FRMPD1: variants seen among roughly 807,000 people sequenced by gnomAD.
FRMPD1 encodes FERM and PDZ domain containing 1.
Under a neutral mutation model 117.8 loss-of-function variants are expected in FRMPD1, and 76 were observed. The ratio of observed to expected loss-of-function variants is 0.65; its 90% CI spans 0.54 to 0.78. FRMPD1 has a LOEUF of 0.78. Among genes scored for constraint, FRMPD1 ranks in the 30% least tolerant of loss-of-function variants. The probability of loss-of-function intolerance (pLI) is 0.00; values close to 1 mark genes in which losing one functional copy is unlikely to be tolerated. For synonymous variants in FRMPD1, 783 were observed against 770.4 expected (o/e 1.02, Z -0.27); for missense variants, 1,786 against 1,964.5 (o/e 0.91, Z 1.72).
At chr9:37,659,396 G>A (rs1043854741) in intron 1 of FRMPD1, among the ~76,000 whole-genome samples, 2 of 152,184 alleles carry the variant, frequency 1.3e-5, no homozygotes, top group African/African-American at 4.8e-5. Flanking sequence ...AGATGTGGGT[G>A]GGGCCCTCAG....
chr9:37,648,598 T>C (rs1399952221), upstream of FRMPD1, among the ~76,000 whole-genome samples: 4 of 151,828 alleles, frequency 2.6e-5, no homozygotes, highest in Non-Finnish European at 4.4e-5. Flanking sequence ...GGCGGCAGGA[T>C]GAGGGGGAGG....
At chr9:37,729,956 A>G (rs1286043444) in intron 8 of FRMPD1, 103 bp downstream of exon 8, 2 of 1,230,876 alleles carry the variant, frequency 1.6e-6, no homozygotes, top group East Asian at 4.7e-5. Flanking sequence ...TGCAGGTTTG[A>G]TGCACTTTCT....
At position 37,652,392 on chromosome 9, in the gene FRMPD1, AG is replaced by A. The variant is rs1251184165; in HGVS notation, c.-5+1299del. On this transcript the variant is annotated intron_variant, in intron 1 of 15. Coordinates refer to ENST00000377765, the MANE Select transcript of FRMPD1 (RefSeq NM_014907.3). Reference sequence around the variant, plus strand: ...ACGAGGTAGTTAACTGTGATATGCTAGAAAGTGAAATTTATTCTTTTGCCCA... The same window carrying A: ...ACGAGGTAGTTAACTGTGATATGCTAAAAGTGAAATTTATTCTTTTGCCCA... 3.3e-5 allele frequency among the ~76,000 whole-genome samples: 5 copies of A among 152,342 alleles called. No individual in the cohort carries two copies. In the South Asian group the frequency reaches 6.2e-4, roughly 19 times the overall value.
intron 6 of FRMPD1, among the ~76,000 whole-genome samples, chr9:37,721,444 A>G (rs1170504354): frequency 1.3e-5 from 2 of 152,262 alleles, no homozygotes; most frequent in Non-Finnish European, 2.9e-5. Context: ...CAGTTAAACA[A>G]ATACAAAGAA....
intron 1 of FRMPD1, among the ~76,000 whole-genome samples, chr9:37,664,119 G>T (rs1195848307): frequency 6.6e-6 from 1 of 152,064 alleles, no homozygotes; most frequent in Non-Finnish European, 1.5e-5. Flanking sequence ...TAGGTTCTGT[G>T]TCTGACTCAC....
At position 37,745,576 on chromosome 9, in the gene FRMPD1, C is replaced by A; in HGVS notation, c.3544C>A (p.Gln1182Lys). Reference sequence around the variant, plus strand: ...CCCACCACATCCCCCTAGAGACCCTCAAGGACAGAGCAGAGAACCCCCAGG... The same window carrying A: ...CCCACCACATCCCCCTAGAGACCCTAAAGGACAGAGCAGAGAACCCCCAGG... ...QIPPHPPRDP[Q>K]GQSREPPGQG... Residue 1182 changes from glutamine (Q) to lysine (K), a missense_variant, in exon 16 of 16, where the codon CAA (glutamine) becomes AAA (lysine). Physicochemically the swap from Gln to Lys is moderately conservative, Grantham distance 53. Coordinates refer to ENST00000377765, the MANE Select transcript of FRMPD1 (RefSeq NM_014907.3). The A allele has an allele frequency of 6.2e-7, 1 of 1,614,100 alleles. No homozygotes were observed. Among genetic ancestry groups the A allele is most frequent in the Non-Finnish European group, 8.5e-7 (1 of 1,179,946 alleles).
At chr9:37,606,594 A>C in the FRMPD1 span, among the ~76,000 whole-genome samples, 5 of 152,250 alleles carry the variant, frequency 3.3e-5, no homozygotes, top group Non-Finnish European at 7.3e-5. Flanking sequence ...ACCACGCTGA[A>C]TATGCACAAA....
chr9:37,617,843 G>T, the FRMPD1 span, among the ~76,000 whole-genome samples: 15 of 152,306 alleles, frequency 9.8e-5, no homozygotes, highest in African/African-American at 3.6e-4. Context: ...CCTGCCTAAA[G>T]TGACTCTGAG....
At chr9:37,621,780 G>A in the FRMPD1 span, among the ~76,000 whole-genome samples, 7 of 152,260 alleles carry the variant, frequency 4.6e-5, no homozygotes, top group Middle Eastern at 3.4e-3. Context: ...ATGCATTTAC[G>A]TGGGAGTGAA....
intron 4 of FRMPD1, among the ~76,000 whole-genome samples, chr9:37,709,891 C>T (rs184372180): frequency 3.3e-5 from 5 of 152,306 alleles, no homozygotes; most frequent in East Asian, 1.9e-4. Flanking sequence ...CCTGGAAGGG[C>T]GAGCAGTTGA....
At chr9:37,632,646 G>A in the FRMPD1 span, among the ~76,000 whole-genome samples, 1 of 152,054 alleles carries the variant, frequency 6.6e-6, no homozygotes, top group Non-Finnish European at 1.5e-5. Context: ...TTTTGTGACA[G>A]CTCCTGCAAA....
rs866518755 is a variant in FRMPD1, at chr9:37,719,108, G to A, written c.448G>A (p.Ala150Thr). 1 of 1,613,622 alleles carries A rather than the reference G, an allele frequency of 6.2e-7. No individual in the cohort carries two copies. Among genetic ancestry groups the A allele is most frequent in the African/African-American group, 1.3e-5 (1 of 74,920 alleles). Residue 150 changes from alanine to threonine, a missense_variant, in exon 6 of 16, where the codon GCC becomes ACC. Physicochemically the swap from Ala to Thr is moderately conservative, Grantham distance 58 (BLOSUM62 0). Coordinates refer to ENST00000377765, the MANE Select transcript of FRMPD1 (RefSeq NM_014907.3). The stretch of plus-strand genomic sequence containing the variant: ...GTCCTTCCTGACCGAGGAGAAGAGA[G>A]CCAGACTGAAGACCAACCCCGTGAA... ...KSSFLTEEKR[A>T]RLKTNPVKVH...
In FRMPD1 at chr9:37,744,871, C is replaced by T. The variant is rs928971699; in HGVS notation, c.2839C>T (p.Arg947Trp). The change falls in exon 16 of 16, where the codon CGG (arginine) becomes TGG (tryptophan). Residue 947 changes from arginine (R) to tryptophan (W), a missense_variant. Transcript: ENST00000377765. ...RVSSISAIRF[R>W]IDPNNKENSG... ...GTCTTCTATTTCTGCCATTCGCTTC[C>T]GGATTGACCCCAACAATAAAGAGAA... is the stretch of plus-strand genomic sequence containing the variant. 1.8e-5 allele frequency: 29 copies of T among 1,614,024 alleles called. No individual in the cohort carries two copies. Among genetic ancestry groups the T allele is most frequent in the East Asian group, 2.2e-5 (1 of 44,896 alleles).
chr9:37,733,605 G>GA lies in FRMPD1; in HGVS notation c.1122+8dup. On this transcript the variant is annotated splice_region_variant and intron_variant, in intron 11 of 15. Coordinates refer to ENST00000377765, the MANE Select transcript of FRMPD1 (RefSeq NM_014907.3). ...TGCTGGAACCCCGACAGAAGGTAAT[G>GA]AAGGTGCCTCTGCCGACCCACTCAG... 6.2e-7 allele frequency: 1 copy of GA among 1,613,674 alleles called. No homozygotes were observed. Among genetic ancestry groups the GA allele is most frequent in the Non-Finnish European group, 8.5e-7 (1 of 1,179,890 alleles).
At chr9:37,729,687 C>T in intron 7 of FRMPD1, 41 bp from the exon 8 acceptor site, 1 of 1,607,056 alleles carries the variant, frequency 6.2e-7, no homozygotes, top group Non-Finnish European at 8.5e-7. Flanking sequence ...GAAGTCCTTC[C>T]TGTTTCTTGC....
intron 1 of FRMPD1, among the ~76,000 whole-genome samples, chr9:37,679,872 C>T (rs982412160): frequency 1.3e-5 from 2 of 152,218 alleles, no homozygotes; most frequent in Non-Finnish European, 2.9e-5. Flanking sequence ...TGTCATTTGC[C>T]ATCCATCACT....
chr9:37,660,791 G>A (rs146739691), intron 1 of FRMPD1, among the ~76,000 whole-genome samples: 29 of 152,226 alleles, frequency 1.9e-4, no homozygotes, highest in African/African-American at 7.0e-4. Context: ...TTCCCCACTT[G>A]ACTGTGAGCT....
At chr9:37,726,185 G>A (rs1400115526) in intron 7 of FRMPD1, among the ~76,000 whole-genome samples, 2 of 152,130 alleles carry the variant, frequency 1.3e-5, no homozygotes, top group Non-Finnish European at 2.9e-5. Flanking sequence ...CACAGAGAAA[G>A]GTGGACATAA....
At chr9:37,715,004 G>A (rs1273685043) in intron 5 of FRMPD1, among the ~76,000 whole-genome samples, 1 of 152,126 alleles carries the variant, frequency 6.6e-6, no homozygotes, top group Admixed American at 6.5e-5. Flanking sequence ...TTAGCAAGGA[G>A]CCTCATTGTT....
Sources: allele counts gnomAD v4.1 joint callset (sites outside exome capture counted in the v4.1 genomes callset), GRCh38; gene constraint gnomAD v4.1.1; transcripts MANE v1.5; gene names NCBI Gene and HGNC (gene_info 2026-07-23, HGNC 2026-07-21).